APBB2: variants seen among roughly 807,000 people sequenced by gnomAD.
APBB2 encodes the protein Fe65-like 1.
A neutral mutation model predicts 82.5 loss-of-function variants in APBB2; 38 were observed. That is an observed-to-expected ratio of 0.46 (90% CI 0.36 to 0.60). APBB2 has a LOEUF of 0.60. APBB2 is among the 20% of genes least tolerant of loss of function. APBB2 has a pLI of 0.00. For synonymous variants in APBB2, 341 were observed against 368.2 expected (o/e 0.93, Z 0.85); for missense variants, 772 against 972.3 (o/e 0.79, Z 2.74).
chr4:41,095,063 C>T (rs994734129), intron 3 of APBB2, among the ~76,000 whole-genome samples: 2 of 152,090 alleles, frequency 1.3e-5, no homozygotes, highest in African/African-American at 4.8e-5. Flanking sequence ...AGGAGTGAAA[C>T]AGAAAAGATC....
At chr4:40,916,262 C>T (rs1420583141) in intron 10 of APBB2, among the ~76,000 whole-genome samples, 1 of 152,140 alleles carries the variant, frequency 6.6e-6, no homozygotes, top group African/African-American at 2.4e-5. Context: ...AAACCTAACC[C>T]CAGAGCTGAG....
At chr4:40,979,434 C>G (rs1365292080) in intron 6 of APBB2, among the ~76,000 whole-genome samples, 1 of 125,360 alleles carries the variant, frequency 8.0e-6, no homozygotes, top group African/African-American at 2.6e-5. Context: ...AGGGATTTTA[C>G]GTATTTATTT....
At position 41,127,230 on chromosome 4, in the gene APBB2, C is replaced by T. The variant is rs557404291; in HGVS notation, c.-261+15757G>A. Among the ~76,000 whole-genome samples, 12 of 151,656 alleles carry T rather than the reference C, an allele frequency of 7.9e-5. No individual in the cohort carries two copies. Among genetic ancestry groups the T allele is most frequent in the African/African-American group, 2.7e-4 (11 of 41,314 alleles). On this transcript the variant is annotated intron_variant, in intron 2 of 17. Coordinates refer to ENST00000508593, the MANE Select transcript of APBB2 (RefSeq NM_004307.2). The surrounding 1 kb of genome is among the most constrained non-coding windows in gnomAD (Gnocchi z 4.8). ...GTCTTTATGAAATACTTCATAAAGA[C>T]ACACACCAAACAACCATAATGAAAA...
chr4:40,903,664 AG>A (rs1775938162), intron 10 of APBB2, among the ~76,000 whole-genome samples: 1 of 152,176 alleles, frequency 6.6e-6, no homozygotes, highest in African/African-American at 2.4e-5. Flanking sequence ...GTTTCAGCGT[AG>A]AGAATAGGGA....
chr4:41,133,114 G>GC (rs1756544991), intron 2 of APBB2, among the ~76,000 whole-genome samples: 1 of 151,782 alleles, frequency 6.6e-6, no homozygotes, highest in Non-Finnish European at 1.5e-5. Context: ...ATTCCACAAG[G>GC]CATTTTTTTC....
At chr4:40,977,775 G>A (rs1030148961) in intron 6 of APBB2, among the ~76,000 whole-genome samples, 1 of 152,198 alleles carries the variant, frequency 6.6e-6, no homozygotes, top group Non-Finnish European at 1.5e-5. Context: ...ACTACAGTGT[G>A]TGACAGATAT....
chr4:41,128,344 G>A (rs1755000735), intron 2 of APBB2, among the ~76,000 whole-genome samples: 1 of 152,168 alleles, frequency 6.6e-6, no homozygotes, highest in Non-Finnish European at 1.5e-5. Flanking sequence ...CAGCCACTGA[G>A]GAAAGCAGTT....
intron 6 of APBB2, among the ~76,000 whole-genome samples, chr4:41,008,007 T>C (rs182025006): frequency 1.1e-4 from 17 of 152,364 alleles, no homozygotes; most frequent in African/African-American, 1.7e-4. Context: ...AAAGGTTTCA[T>C]AGTGGAAGTG....
chr4:41,050,910 T>C (rs767989950), intron 4 of APBB2, among the ~76,000 whole-genome samples: 17 of 151,540 alleles, frequency 1.1e-4, no homozygotes, highest in African/African-American at 2.2e-4. Flanking sequence ...CAAGAAGACA[T>C]ACCTGGCCAG....
chr4:41,164,137 TATACAC>T (rs1469788328), intron 1 of APBB2, among the ~76,000 whole-genome samples: 5 of 152,316 alleles, frequency 3.3e-5, no homozygotes, highest in Non-Finnish European at 5.9e-5. Context: ...ATATATAACT[TATACAC>T]ATAGCCTAAA....
At chr4:41,062,157 C>CTTAT (rs139030241) in intron 4 of APBB2, among the ~76,000 whole-genome samples, 5,425 of 149,338 alleles carry the variant, frequency 0.036, 166 homozygotes, top group African/African-American at 0.088. Flanking sequence ...ACAAGCAAAT[C>CTTAT]TTATTTATTT....
intron 10 of APBB2, among the ~76,000 whole-genome samples, chr4:40,932,120 A>T (rs1290254553): frequency 6.6e-6 from 1 of 152,188 alleles, no homozygotes; most frequent in Non-Finnish European, 1.5e-5. Context: ...TTACAATTCC[A>T]TCTCCATTCC....
chr4:40,950,483 G>A (rs111866873), intron 6 of APBB2, among the ~76,000 whole-genome samples: 9 of 152,180 alleles, frequency 5.9e-5, no homozygotes, highest in Admixed American at 2.0e-4. Flanking sequence ...AGGTCAAGGC[G>A]GGAGAACTGC....
intron 6 of APBB2, among the ~76,000 whole-genome samples, chr4:40,992,230 TG>T (rs879756063): frequency 2.6e-5 from 4 of 152,166 alleles, no homozygotes; most frequent in Admixed American, 2.6e-4. Flanking sequence ...TGGAAGCCAG[TG>T]GCATAATTAT....
chr4:41,165,872 CTTTT>C (rs148637668), intron 1 of APBB2, among the ~76,000 whole-genome samples: 2 of 116,500 alleles, frequency 1.7e-5, no homozygotes. Context: ...GTCAGGCCCC[CTTTT>C]TTTTTTTTTT....
rs1744185968 is a variant in APBB2, at chr4:40,810,467, A to G, written c.*5625T>C. On this transcript the variant is annotated 3_prime_UTR_variant, in exon 18 of 18. Coordinates refer to ENST00000508593, the MANE Select transcript of APBB2 (RefSeq NM_004307.2). ...GTGGGACACGCCTGTAGTCCCAGCT[A>G]CTTAGGAGGCTGAGGTACGAGGATC... 6.6e-6 allele frequency: 1 copy of G among 150,966 alleles called. No homozygotes were observed. The highest frequency in any genetic ancestry group is 2.1e-4 in the South Asian group (1 of 4,784). The allele number at this position is 150,966 out of a possible 1,614,324, so 9.4% of individuals were successfully genotyped here.
intron 2 of APBB2, among the ~76,000 whole-genome samples, chr4:41,139,969 C>T (rs1436067750): frequency 6.6e-6 from 1 of 152,112 alleles, no homozygotes; most frequent in Admixed American, 6.5e-5. Flanking sequence ...ATGCAAGACA[C>T]TAATGATATA....
intron 12 of APBB2, among the ~76,000 whole-genome samples, chr4:40,876,824 C>T (rs1197329981): frequency 6.6e-6 from 1 of 152,188 alleles, no homozygotes; most frequent in South Asian, 2.1e-4. Flanking sequence ...CCGACTGTAT[C>T]AACAGCTGGT....
intron 4 of APBB2, among the ~76,000 whole-genome samples, chr4:41,045,974 A>T (rs552018739): frequency 1.3e-5 from 2 of 151,190 alleles, no homozygotes; most frequent in South Asian, 4.2e-4. Context: ...GTTTTTTTTA[A>T]TAATGAGCAT....
Sources: gnomAD v4.1 joint callset for allele counts (sites outside exome capture counted in the v4.1 genomes callset) on GRCh38, gnomAD v4.1.1 for gene constraint, Gnocchi (gnomAD v3.1) non-coding constraint, MANE v1.5 for transcripts, NCBI Gene and HGNC (gene_info 2026-07-23, HGNC 2026-07-21) for gene names.